Variants in DMD observed in about 807,000 individuals in gnomAD.
The protein encoded by DMD is dystrophin, also known as mutant dystrophin.
A neutral mutation model predicts 330.1 loss-of-function variants in DMD; 63 were observed. That is an observed-to-expected ratio of 0.19 (90% CI 0.16 to 0.24). The LOEUF (loss-of-function observed/expected upper bound fraction) is 0.24, where lower values mean the gene tolerates loss of function less well. Ranked by LOEUF, DMD falls within the 10% of genes least tolerant of loss-of-function variation. The pLI is 1.00. For missense variants in DMD, 3,344 were observed against 2,684.1 expected (o/e 1.25, Z -5.43); for synonymous variants, 1,223 against 959.8 (o/e 1.27, Z -5.07).
intron 4 of DMD, among the ~76,000 whole-genome samples, chrX:32,835,708 T>A (rs2079556008): frequency 9.0e-6 from 1 of 111,661 alleles, no homozygotes; most frequent in African/African-American, 3.3e-5. Context: ...GGAACAGGGT[T>A]AAACTGAGGA....
intron 43 of DMD, among the ~76,000 whole-genome samples, chrX:32,219,385 G>T (rs1841769983): frequency 8.9e-6 from 1 of 111,857 alleles, no homozygotes; most frequent in Non-Finnish European, 1.9e-5. Context: ...TTTTGAATGA[G>T]AATCTAAAAA....
intron 63 of DMD, among the ~76,000 whole-genome samples, chrX:31,226,129 C>T (rs12839806): frequency 0.11 from 12,157 of 111,176 alleles, 567 homozygotes; most frequent in East Asian, 0.22. Context: ...ATGAGAAATG[C>T]AGAATCTCAG....
intron 60 of DMD, among the ~76,000 whole-genome samples, chrX:31,387,619 T>C (rs1318219965): frequency 1.8e-5 from 2 of 111,691 alleles, no homozygotes; most frequent in Non-Finnish European, 3.8e-5. Flanking sequence ...AGGCTGGTCT[T>C]GAACTCCTGA....
intron 74 of DMD, among the ~76,000 whole-genome samples, chrX:31,165,311 G>T (rs2039299385): frequency 8.9e-6 from 1 of 112,187 alleles, no homozygotes; most frequent in South Asian, 3.7e-4. Flanking sequence ...TGCCCAACAA[G>T]ACATATGAAA....
At chrX:32,168,206 C>T (rs183084103) in intron 44 of DMD, among the ~76,000 whole-genome samples, 12 of 111,533 alleles carry the variant, frequency 1.1e-4, no homozygotes, top group African/African-American at 3.3e-4. Context: ...TTTAGCCCAT[C>T]GGCCCATTCC....
At chrX:32,043,707 G>A (rs2096031274) in intron 44 of DMD, among the ~76,000 whole-genome samples, 1 of 111,579 alleles carries the variant, frequency 9.0e-6, no homozygotes, top group African/African-American at 3.3e-5. Flanking sequence ...TGAGGCTTAC[G>A]TAGGTTAACT....
chrX:31,501,810 T>C (rs755094475), intron 56 of DMD, among the ~76,000 whole-genome samples: 4 of 111,829 alleles, frequency 3.6e-5, no homozygotes, highest in Admixed American at 1.9e-4. Context: ...ACTAATGATA[T>C]ATCCCTATAA....
intron 4 of DMD, among the ~76,000 whole-genome samples, chrX:32,832,554 T>C (rs972541882): frequency 1.3e-4 from 14 of 111,532 alleles, no homozygotes; most frequent in African/African-American, 3.9e-4. Context: ...TCTGCCATCA[T>C]GTAGCCAAGC....
chrX:33,063,603 G>T (rs192794460), intron 1 of DMD, among the ~76,000 whole-genome samples: 1 of 111,626 alleles, frequency 9.0e-6, no homozygotes, highest in Admixed American at 9.6e-5. Context: ...TATGTCTCTA[G>T]AAGAATAATC....
intron 1 of DMD, among the ~76,000 whole-genome samples, chrX:33,236,518 G>T (rs988310069): frequency 1.3e-4 from 14 of 110,244 alleles, no homozygotes; most frequent in African/African-American, 4.6e-4. Flanking sequence ...ACCCAACTTG[G>T]CCTCCCAAAC....
intron 1 of DMD, among the ~76,000 whole-genome samples, chrX:33,292,264 C>T (rs1330278872): frequency 3.6e-5 from 4 of 111,044 alleles, no homozygotes; most frequent in African/African-American, 9.8e-5. Context: ...TCAACACTTT[C>T]TGGGTGTTGG....
chrX:31,417,095 C>T (rs1479977153), intron 60 of DMD, among the ~76,000 whole-genome samples: 1 of 111,452 alleles, frequency 9.0e-6, no homozygotes, highest in African/African-American at 3.3e-5. Context: ...ATATGAGGAA[C>T]CAGGAAATGC....
intron 3 of DMD, among the ~76,000 whole-genome samples, chrX:32,848,340 T>G (rs1447704554): frequency 8.9e-6 from 1 of 112,206 alleles, no homozygotes; most frequent in Non-Finnish European, 1.9e-5. Flanking sequence ...CGTATCCATA[T>G]ATATGTAAAT....
At chrX:32,071,609 G>A (rs1049033611) in intron 44 of DMD, among the ~76,000 whole-genome samples, 4 of 108,224 alleles carry the variant, frequency 3.7e-5, no homozygotes, top group Admixed American at 9.9e-5. Flanking sequence ...GTATACATAC[G>A]TAACAAACCT....
At chrX:31,437,576 A>G (rs1181719036) in intron 60 of DMD, among the ~76,000 whole-genome samples, 1 of 111,275 alleles carries the variant, frequency 9.0e-6, no homozygotes, top group African/African-American at 3.3e-5. Flanking sequence ...TCTAGTAGGC[A>G]CATGTAAAAA....
At chrX:32,650,588 G>A (rs906775062) in intron 9 of DMD, among the ~76,000 whole-genome samples, 6 of 111,880 alleles carry the variant, frequency 5.4e-5, no homozygotes, top group Admixed American at 1.9e-4. Flanking sequence ...GATATAACAC[G>A]TAAACCAAGG....
chrX:31,287,245 G>T (rs369693209), intron 62 of DMD, among the ~76,000 whole-genome samples: 1 of 112,073 alleles, frequency 8.9e-6, no homozygotes, highest in East Asian at 2.8e-4. Context: ...GAATATTATA[G>T]GAGGTATCGT....
intron 67 of DMD, among the ~76,000 whole-genome samples, chrX:31,191,248 AG>A (rs925447986): frequency 1.8e-5 from 2 of 112,277 alleles, no homozygotes; most frequent in Non-Finnish European, 3.8e-5. Flanking sequence ...ATAACCATTT[AG>A]AGAAAAAATA....
chrX:33,114,112 AT>A lies in DMD; in HGVS notation c.32-93913del, dbSNP rs1283009939. On this transcript the variant is annotated intron_variant, in intron 1 of 78. Coordinates refer to ENST00000357033, the MANE Select transcript of DMD (RefSeq NM_004006.3). ...TCGAATATATGGCAATATTATTATTATTTTTTTTTTTTTTTGAGACAGAATC... is the reference window on the plus strand; with the variant it reads ...TCGAATATATGGCAATATTATTATTATTTTTTTTTTTTTTGAGACAGAATC... Among the ~76,000 whole-genome samples, 424 of 98,957 alleles carry A rather than the reference AT, an allele frequency of 4.3e-3. 3 individuals carry two copies. Among genetic ancestry groups the A allele is most frequent in the East Asian group, 0.011 (34 of 3,180 alleles). 85.9% of individuals were successfully genotyped at this position (98,957 alleles called of 115,157 possible).
Sources: allele counts gnomAD v4.1 joint callset (sites outside exome capture counted in the v4.1 genomes callset), GRCh38; gene constraint gnomAD v4.1.1; transcripts MANE v1.5; gene names NCBI Gene and HGNC (gene_info 2026-07-23, HGNC 2026-07-21).